Variants in FILIP1L observed in about 807,000 individuals in gnomAD.
FILIP1L encodes the protein filamin A-interacting protein 1-like.
Under a neutral mutation model 96.6 loss-of-function variants are expected in FILIP1L, and 55 were observed. That is an observed-to-expected ratio of 0.57 (90% CI 0.46 to 0.71). The LOEUF is 0.71. Ranked by LOEUF, FILIP1L falls within the 30% of genes least tolerant of loss-of-function variation. The pLI is 0.00. For missense variants in FILIP1L, 1,304 were observed against 1,321.2 expected, an observed-to-expected ratio of 0.99 and a Z score of 0.20; for synonymous variants, 467 against 473.9, an observed-to-expected ratio of 0.99 and a Z score of 0.19.
At position 99,930,951 on chromosome 3, in the gene FILIP1L, T is replaced by C; in HGVS notation, c.70A>G (p.Ser24Gly). 6.2e-7 allele frequency: 1 copy of C among 1,613,734 alleles called. No individual in the cohort carries two copies. The change falls in exon 2 of 6, where the codon AGT (serine) becomes GGT (glycine). Residue 24 changes from serine (S) to glycine (G), a missense_variant. Transcript: ENST00000477258. ...TTCATGTTTTTAGGCCCTTGGAAAC[T>C]GTGGCCTTTAGTATGTCTTGGAAAT... is the stretch of plus-strand genomic sequence containing the variant. Reference protein sequence around the residue: ...KKFPRHTKGHSFQGPKNMKHR... With the variant: ...KKFPRHTKGHGFQGPKNMKHR...
At chr3:100,032,082 T>C (rs1446634780) in intron 1 of FILIP1L, among the ~76,000 whole-genome samples, 11 of 152,336 alleles carry the variant, frequency 7.2e-5, no homozygotes, top group Non-Finnish European at 5.9e-5. Context: ...ATCTAGCCCA[T>C]TAGCCATAGT....
chr3:100,036,387 A>C (rs976365605), intron 1 of FILIP1L, among the ~76,000 whole-genome samples: 2 of 152,214 alleles, frequency 1.3e-5, no homozygotes, highest in Non-Finnish European at 2.9e-5. Flanking sequence ...AGGACATGTC[A>C]AAAGGACACC....
intron 1 of FILIP1L, chr3:100,011,811 TA>T (rs1359625897): frequency 6.6e-6 from 1 of 152,212 alleles, no homozygotes; most frequent in African/African-American, 2.4e-5. Context: ...AATGAATGAA[TA>T]GAAGGATGAG....
intron 1 of FILIP1L, among the ~76,000 whole-genome samples, chr3:100,070,106 G>A (rs545294834): frequency 8.5e-5 from 13 of 152,320 alleles, no homozygotes; most frequent in African/African-American, 2.6e-4. Context: ...AGAGGCCGTG[G>A]ATTTGGACAG....
At chr3:99,979,171 A>G (rs997031274) in intron 1 of FILIP1L, among the ~76,000 whole-genome samples, 9 of 152,364 alleles carry the variant, frequency 5.9e-5, no homozygotes, top group African/African-American at 1.4e-4. Context: ...CTGTATACCT[A>G]TATCAGAATA....
At chr3:100,012,775 T>C (rs1710196466) in intron 1 of FILIP1L, among the ~76,000 whole-genome samples, 1 of 145,320 alleles carries the variant, frequency 6.9e-6, no homozygotes, top group South Asian at 2.3e-4. Context: ...TTTTTTTTTT[T>C]TTTTGGGTTG....
intron 1 of FILIP1L, among the ~76,000 whole-genome samples, chr3:100,056,209 G>A (rs2065461341): frequency 6.6e-6 from 1 of 152,110 alleles, no homozygotes; most frequent in Admixed American, 6.5e-5. Flanking sequence ...ACCAGCTGAG[G>A]GTGTGGCAAG....
intron 1 of FILIP1L, among the ~76,000 whole-genome samples, chr3:99,937,529 T>G (rs528799871): frequency 1.3e-5 from 2 of 152,384 alleles, no homozygotes; most frequent in Non-Finnish European, 2.9e-5. Flanking sequence ...CTCCAACATG[T>G]TAGCTCTGTG....
intron 1 of FILIP1L, among the ~76,000 whole-genome samples, chr3:99,955,965 C>T (rs891095602): frequency 2.0e-5 from 3 of 152,172 alleles, no homozygotes; most frequent in Non-Finnish European, 2.9e-5. Flanking sequence ...TATTTACTTG[C>T]CTAACTCCCG....
rs1474281873 is a variant in FILIP1L at position 99,929,797 on chromosome 3, C to T, written c.426+59G>A. ...TCAAAGAGGAGTTACAGATCATGCT[C>T]ATCTGCAGGGCTAGTGCTTGGCTGC... On this transcript the variant is annotated intron_variant, in intron 3 of 5. Coordinates refer to ENST00000477258, the MANE Select transcript of FILIP1L (RefSeq NM_001387850.1). The T allele has an allele frequency of 2.3e-6, 3 of 1,278,766 alleles. No individual in the cohort carries two copies. In the Admixed American group the frequency reaches 6.9e-5, roughly 30 times the overall value. The allele number at this position is 1,278,766 out of a possible 1,614,324, so 79.2% of individuals were successfully genotyped here. A position where few individuals can be genotyped will look rare whatever the true frequency, so the allele number is the denominator to read the frequency against.
intron 4 of FILIP1L, among the ~76,000 whole-genome samples, chr3:99,885,412 T>C (rs1705861285): frequency 6.6e-6 from 1 of 152,244 alleles, no homozygotes; most frequent in Non-Finnish European, 1.5e-5. Flanking sequence ...GTCCCATTAC[T>C]AGACTATGCC....
At chr3:100,065,461 G>C (rs1195179435) in intron 1 of FILIP1L, among the ~76,000 whole-genome samples, 1 of 152,158 alleles carries the variant, frequency 6.6e-6, no homozygotes, top group Non-Finnish European at 1.5e-5. Context: ...TCCCAGTTCT[G>C]TTGAACCACA....
At chr3:100,082,884 G>C (rs1411047285) in intron 1 of FILIP1L, among the ~76,000 whole-genome samples, 2 of 152,178 alleles carry the variant, frequency 1.3e-5, no homozygotes, top group East Asian at 3.8e-4. Context: ...TATTTTGTGA[G>C]AATGGCCTAT....
intron 4 of FILIP1L, among the ~76,000 whole-genome samples, chr3:99,881,602 G>A (rs1035985738): frequency 6.6e-6 from 1 of 151,432 alleles, no homozygotes; most frequent in African/African-American, 2.4e-5. Context: ...GTGCAAGCTC[G>A]GCTCACTGCA....
chr3:99,841,637 A>C (rs1044331794), intron 5 of FILIP1L, among the ~76,000 whole-genome samples: 1 of 152,206 alleles, frequency 6.6e-6, no homozygotes, highest in Non-Finnish European at 1.5e-5. Context: ...AGAGCTGAAC[A>C]AAACAGGCGC....
At chr3:100,023,270 A>G (rs1487453371) in intron 1 of FILIP1L, 1 of 152,530 alleles carries the variant, frequency 6.6e-6, no homozygotes, top group Non-Finnish European at 1.5e-5. Flanking sequence ...TTGTTTTTCC[A>G]TAGTGCTTGT....
intron 1 of FILIP1L, among the ~76,000 whole-genome samples, chr3:99,956,286 C>T (rs1404629273): frequency 6.6e-6 from 1 of 152,186 alleles, no homozygotes; most frequent in Non-Finnish European, 1.5e-5. Context: ...CACATCTTTA[C>T]ACATGTTCTC....
At chr3:99,838,486 G>C (rs1435164857) in intron 5 of FILIP1L, among the ~76,000 whole-genome samples, 1 of 152,208 alleles carries the variant, frequency 6.6e-6, no homozygotes, top group African/African-American at 2.4e-5. Context: ...GGAGGAGAAA[G>C]CCCTGCATAT....
At chr3:100,080,367 A>G (rs1014979744) in intron 1 of FILIP1L, among the ~76,000 whole-genome samples, 3 of 152,192 alleles carry the variant, frequency 2.0e-5, no homozygotes, top group African/African-American at 7.2e-5. Context: ...CTCCCTGAAC[A>G]AACTATCCCT....
Sources: gnomAD v4.1 joint callset for allele counts (sites outside exome capture counted in the v4.1 genomes callset) on GRCh38, gnomAD v4.1.1 for gene constraint, MANE v1.5 for transcripts, NCBI Gene and HGNC (gene_info 2026-07-23, HGNC 2026-07-21) for gene names.